The following EYS variants were observed in gnomAD, a reference collection of about 807,000 sequenced individuals.
The protein encoded by EYS is protein eyes shut homolog.
Under a neutral mutation model 282.1 loss-of-function variants are expected in EYS, and 250 were observed. The observed-to-expected ratio is 0.89, with a 90% CI of 0.80 to 0.98. The LOEUF is 0.98. Among genes scored for constraint, EYS ranks in the 50% least tolerant of loss-of-function variants. The probability of loss-of-function intolerance (pLI) is 0.00; values close to 1 mark genes in which losing one functional copy is unlikely to be tolerated. For synonymous variants in EYS, 1,355 were observed against 1,282.9 expected, an observed-to-expected ratio of 1.06 and a Z score of -1.20; for missense variants, 4,016 against 3,709.0, an observed-to-expected ratio of 1.08 and a Z score of -2.15.
Position 65,405,270 on chromosome 6 carries a change from G to C in EYS, c.960C>G (p.Cys320Trp). ...CATTTTGGCTGGAAGATCCTTTTGGGCATTCATAAGTATAAGCAGAACTGC... is the reference window on the plus strand; with the variant it reads ...CATTTTGGCTGGAAGATCCTTTTGGCCATTCATAAGTATAAGCAGAACTGC... The part of the protein sequence containing the change: ...PNSSSAYTYE[C>W]PKGSSSQNGE... The change falls in exon 6 of 43, where the codon TGC becomes TGG. Residue 320 changes from cysteine (C) to tryptophan (W), a missense_variant. Transcript: ENST00000503581. 1 of 1,612,708 alleles carries C rather than the reference G, an allele frequency of 6.2e-7. No individual in the cohort carries two copies. Among genetic ancestry groups the C allele is most frequent in the Non-Finnish European group, 8.5e-7 (1 of 1,179,190 alleles).
At chr6:64,045,135 G>A (rs1404439093) in intron 33 of EYS, among the ~76,000 whole-genome samples, 1 of 152,100 alleles carries the variant, frequency 6.6e-6, no homozygotes, top group Non-Finnish European at 1.5e-5. Flanking sequence ...AGCTACTGGG[G>A]TCAGAGTGAG....
At position 64,114,742 on chromosome 6, in the gene EYS, G is replaced by A. The variant is rs535711993; in HGVS notation, c.6425-32740C>T. Among the ~76,000 whole-genome samples the A allele has an allele frequency of 2.6e-5, 4 of 152,242 alleles. No homozygotes were observed. The East Asian group carries it at 7.7e-4, about 29-fold the overall frequency. On this transcript the variant is annotated intron_variant, in intron 31 of 42. Transcript: ENST00000503581. Reference sequence around the variant, plus strand: ...GATTTTCCATAGATTTCACAGCAAGGTCTCCTTAGTGTTTGTAGGCATGGA... The same window carrying A: ...GATTTTCCATAGATTTCACAGCAAGATCTCCTTAGTGTTTGTAGGCATGGA...
intron 36 of EYS, among the ~76,000 whole-genome samples, chr6:63,856,561 G>C (rs761016567): frequency 6.6e-6 from 1 of 152,158 alleles, no homozygotes; most frequent in African/African-American, 2.4e-5. Context: ...CAGATGTGTA[G>C]CTCCCTAGGA....
intron 11 of EYS, among the ~76,000 whole-genome samples, chr6:65,324,773 G>A (rs186525562): frequency 6.6e-6 from 1 of 152,286 alleles, no homozygotes; most frequent in East Asian, 1.9e-4. Flanking sequence ...TTCTGAGGTT[G>A]TTTTTATCAT....
intron 35 of EYS, among the ~76,000 whole-genome samples, chr6:63,902,834 TG>T (rs539145006): frequency 6.6e-5 from 10 of 152,144 alleles, no homozygotes; most frequent in Non-Finnish European, 1.5e-4. Flanking sequence ...AAGAGGGGCA[TG>T]GGCGGTAACA....
At chr6:65,569,913 T>C (rs1340982924) in intron 2 of EYS, among the ~76,000 whole-genome samples, 1 of 152,174 alleles carries the variant, frequency 6.6e-6, no homozygotes. Flanking sequence ...TTTAATTCTT[T>C]TATCTTGATA....
At chr6:64,752,074 CCAAACAAA>C (rs547490090) in intron 22 of EYS, among the ~76,000 whole-genome samples, 1 of 151,914 alleles carries the variant, frequency 6.6e-6, no homozygotes, top group Non-Finnish European at 1.5e-5. Flanking sequence ...AAACAACCAA[CCAAACAAA>C]CAAACAAACA....
At chr6:65,370,256 C>CTTTT (rs35707502) in intron 8 of EYS, among the ~76,000 whole-genome samples, 26 of 127,130 alleles carry the variant, frequency 2.0e-4, no homozygotes, top group African/African-American at 6.8e-4. Context: ...CTTTCTCTCT[C>CTTTT]TTTTTTTTTT....
chr6:63,885,462 C>T (rs755754841), intron 35 of EYS, among the ~76,000 whole-genome samples: 8 of 152,090 alleles, frequency 5.3e-5, no homozygotes, highest in Non-Finnish European at 1.0e-4. Context: ...TACTCTTTTT[C>T]TTTGATGCAA....
At chr6:65,612,132 C>A (rs1281085383) in intron 2 of EYS, among the ~76,000 whole-genome samples, 1 of 151,328 alleles carries the variant, frequency 6.6e-6, no homozygotes, top group Non-Finnish European at 1.5e-5. Flanking sequence ...AGACAGCTAA[C>A]AGGATGTTAA....
intron 6 of EYS, among the ~76,000 whole-genome samples, chr6:65,403,092 A>G (rs1430088316): frequency 1.3e-5 from 2 of 152,088 alleles, no homozygotes; most frequent in Non-Finnish European, 2.9e-5. Context: ...GTCCAAGTCT[A>G]GACACTTTCC....
chr6:64,412,321 A>T (rs1454260764), intron 28 of EYS, among the ~76,000 whole-genome samples: 1 of 152,138 alleles, frequency 6.6e-6, no homozygotes. Flanking sequence ...TTTAAAGAAA[A>T]AATGTGAATA....
chr6:64,867,804 T>C (rs1766469885), intron 19 of EYS, among the ~76,000 whole-genome samples: 1 of 151,698 alleles, frequency 6.6e-6, no homozygotes, highest in Non-Finnish European at 1.5e-5. Flanking sequence ...ATTCTACTTT[T>C]GAAAATAAGC....
chr6:65,073,738 A>G (rs953266483), intron 12 of EYS, among the ~76,000 whole-genome samples: 1 of 151,878 alleles, frequency 6.6e-6, no homozygotes, highest in Non-Finnish European at 1.5e-5. Flanking sequence ...GGAAGAAAGG[A>G]TATACAAATA....
chr6:63,812,756 G>A (rs1298817818), intron 36 of EYS, among the ~76,000 whole-genome samples: 10 of 151,990 alleles, frequency 6.6e-5, no homozygotes, highest in East Asian at 5.8e-4. Flanking sequence ...CACTTATAGA[G>A]CTACTGGATG....
intron 31 of EYS, among the ~76,000 whole-genome samples, chr6:64,174,202 T>C (rs1350610533): frequency 6.6e-6 from 1 of 152,150 alleles, no homozygotes; most frequent in Non-Finnish European, 1.5e-5. Flanking sequence ...AAAGTCTCAT[T>C]TTTCAACTGA....
intron 32 of EYS, among the ~76,000 whole-genome samples, chr6:64,070,206 T>A (rs1040874345): frequency 2.0e-5 from 3 of 152,166 alleles, no homozygotes; most frequent in African/African-American, 7.2e-5. Flanking sequence ...ACGTCCTTGT[T>A]ACATTAAAAT....
chr6:63,982,959 C>A (rs1767171453), intron 35 of EYS, among the ~76,000 whole-genome samples: 1 of 151,778 alleles, frequency 6.6e-6, no homozygotes, highest in Admixed American at 6.6e-5. Context: ...CTTAATTTGA[C>A]AGAATTGCAC....
intron 2 of EYS, among the ~76,000 whole-genome samples, chr6:65,634,943 CTTA>C (rs1767035539): frequency 6.6e-6 from 1 of 152,182 alleles, no homozygotes; most frequent in South Asian, 2.1e-4. Context: ...AGAAATGCCT[CTTA>C]TTAAAAATCA....
Sources: allele counts gnomAD v4.1 joint callset (sites outside exome capture counted in the v4.1 genomes callset), GRCh38; gene constraint gnomAD v4.1.1; transcripts MANE v1.5; gene names NCBI Gene and HGNC (gene_info 2026-07-23, HGNC 2026-07-21).